The following PAK2 variants were observed in gnomAD, a reference collection of about 807,000 sequenced individuals.
The protein encoded by PAK2 is serine/threonine-protein kinase PAK 2.
A neutral mutation model predicts 65.9 loss-of-function variants in PAK2; 21 were observed. That is an observed-to-expected ratio of 0.32 (90% CI 0.23 to 0.46). The LOEUF (loss-of-function observed/expected upper bound fraction) is 0.46. Among genes scored for constraint, PAK2 ranks in the 20% least tolerant of loss-of-function variants. PAK2 has a pLI of 1.00. For synonymous variants in PAK2, 204 were observed against 219.7 expected (o/e 0.93, Z 0.63); for missense variants, 324 against 642.6 (o/e 0.50, Z 5.36).
At chr3:196,811,257 C>CTCCCTTCCT (rs1560113705) in intron 8 of PAK2, among the ~76,000 whole-genome samples, 12 of 56,444 alleles carry the variant, frequency 2.1e-4, no homozygotes, top group South Asian at 6.7e-4. Flanking sequence ...CCTCCCCTCC[C>CTCCCTTCCT]TCCCTTCCTT....
chr3:196,795,691 C>T (rs1381694700), intron 2 of PAK2, among the ~76,000 whole-genome samples: 1 of 152,060 alleles, frequency 6.6e-6, no homozygotes, highest in Non-Finnish European at 1.5e-5. Context: ...AAGTGTCTTT[C>T]CAAAACAAAG....
At chr3:196,812,574 A>G (rs1715863712) in intron 9 of PAK2, among the ~76,000 whole-genome samples, 165 bp from the exon 10 acceptor site, 1 of 152,176 alleles carries the variant, frequency 6.6e-6, no homozygotes, top group African/African-American at 2.4e-5. Context: ...GGTTCTAAAC[A>G]TTACAAAGCA....
At chr3:196,749,097 A>C (rs1713484903) in intron 1 of PAK2, among the ~76,000 whole-genome samples, 1 of 151,570 alleles carries the variant, frequency 6.6e-6, no homozygotes, top group Admixed American at 6.6e-5. Flanking sequence ...TTTTTGGGTG[A>C]ATAGTATTCC....
chr3:196,801,149 G>A (rs1273771427), intron 2 of PAK2, among the ~76,000 whole-genome samples: 1 of 152,142 alleles, frequency 6.6e-6, no homozygotes, highest in African/African-American at 2.4e-5. Flanking sequence ...AAGGAGAGGT[G>A]GTTTTGTCAA....
chr3:196,777,666 C>G (rs572668814), intron 1 of PAK2, among the ~76,000 whole-genome samples: 56 of 152,226 alleles, frequency 3.7e-4, no homozygotes, highest in African/African-American at 1.3e-3. Flanking sequence ...TTTAATATGC[C>G]TGTGTTGAGA....
rs1467669376 is a variant in PAK2, at chr3:196,831,448, T to C, written c.*3043T>C. 6.6e-6 allele frequency: 1 copy of C among 152,132 alleles called. No individual in the cohort carries two copies. The highest frequency in any genetic ancestry group is 1.9e-4 in the East Asian group (1 of 5,202). 9.4% of individuals were successfully genotyped at this position (152,132 alleles called of 1,614,324 possible). ...ATCCTACCTGAAAGTAAACGAGTAA[T>C]TGTGAAGCATAAGACACTGAGGCTA... On this transcript the variant is annotated 3_prime_UTR_variant, in exon 15 of 15. Transcript: ENST00000327134.
chr3:196,804,667 A>T (rs1715525336), intron 4 of PAK2, among the ~76,000 whole-genome samples: 1 of 151,998 alleles, frequency 6.6e-6, no homozygotes, highest in Non-Finnish European at 1.5e-5. Flanking sequence ...GGGTTTCTCC[A>T]TGTTGGTCAG....
At chr3:196,773,696 T>C (rs1714447217) in intron 1 of PAK2, among the ~76,000 whole-genome samples, 1 of 151,836 alleles carries the variant, frequency 6.6e-6, no homozygotes, top group Admixed American at 6.6e-5. Flanking sequence ...ACCAATATAG[T>C]GAAACCCCAT....
rs770205893 is a variant in PAK2, at chr3:196,801,920, C to T, written c.188-7C>T. On this transcript the variant is annotated splice_region_variant and splice_polypyrimidine_tract_variant and intron_variant, in intron 2 of 14. Transcript: ENST00000327134. ...GATTCTTTCTCTTTTTTTCTAATGC[C>T]CCCTAGGAAGTAAAAAGAAAGAAAA... The T allele has an allele frequency of 1.1e-5, 16 of 1,432,816 alleles. No individual in the cohort carries two copies. Among genetic ancestry groups the T allele is most frequent in the Non-Finnish European group, 1.5e-5 (15 of 1,016,436 alleles). The allele number at this position is 1,432,816 out of a possible 1,614,324, so 88.8% of individuals were successfully genotyped here. A position where few individuals can be genotyped will look rare whatever the true frequency, so the allele number is the denominator to read the frequency against.
At chr3:196,805,819 C>T (rs541636642) in intron 5 of PAK2, among the ~76,000 whole-genome samples, 1 of 151,988 alleles carries the variant, frequency 6.6e-6, no homozygotes, top group Non-Finnish European at 1.5e-5. Flanking sequence ...TTTTTGGAAA[C>T]AGTCGTTTTA....
At chr3:196,794,863 C>T (rs1188049819) in intron 2 of PAK2, among the ~76,000 whole-genome samples, 2 of 152,170 alleles carry the variant, frequency 1.3e-5, no homozygotes, top group Non-Finnish European at 2.9e-5. Flanking sequence ...ATGGGCTGCA[C>T]TCTGCTAGAA....
intron 2 of PAK2, among the ~76,000 whole-genome samples, chr3:196,801,479 T>C (rs1010751526): frequency 6.6e-6 from 1 of 152,198 alleles, no homozygotes; most frequent in African/African-American, 2.4e-5. Context: ...GGAAATCTTT[T>C]CTAGAATAAC....
At chr3:196,778,720 G>A (rs1229283773) in intron 1 of PAK2, among the ~76,000 whole-genome samples, 4 of 152,168 alleles carry the variant, frequency 2.6e-5, no homozygotes, top group Admixed American at 6.5e-5. Flanking sequence ...AGGGTGTCAC[G>A]TTGCGTTTAT....
chr3:196,776,897 A>G (rs915075939), intron 1 of PAK2, among the ~76,000 whole-genome samples: 1 of 152,206 alleles, frequency 6.6e-6, no homozygotes, highest in Non-Finnish European at 1.5e-5. Context: ...GAAAATCCAC[A>G]ATTATGTGAA....
chr3:196,751,702 G>T (rs1713605264), intron 1 of PAK2, among the ~76,000 whole-genome samples: 3 of 55,508 alleles, frequency 5.4e-5, no homozygotes, highest in African/African-American at 2.3e-4. Flanking sequence ...TATAATTCAG[G>T]CTATATATAA....
At chr3:196,808,032 T>A (rs76207769) in intron 7 of PAK2, 118 bp downstream of exon 7, 39,146 of 944,914 alleles carry the variant, frequency 0.041, 926 homozygotes, top group African/African-American at 0.072. Context: ...AATAAATTGT[T>A]TCCTTATAGC....
intron 3 of PAK2, among the ~76,000 whole-genome samples, chr3:196,802,325 T>C (rs1326729445): frequency 2.6e-5 from 4 of 151,684 alleles, no homozygotes; most frequent in African/African-American, 9.7e-5. Context: ...CATTTGAACC[T>C]CGGAGATGGA....
intron 4 of PAK2, among the ~76,000 whole-genome samples, chr3:196,804,806 G>GTGAT (rs1389444545): frequency 2.7e-4 from 38 of 142,554 alleles, no homozygotes; most frequent in African/African-American, 8.6e-4. Flanking sequence ...GTGTGTGTGT[G>GTGAT]ATATATATAT....
chr3:196,773,321 T>C (rs1714419820), intron 1 of PAK2, among the ~76,000 whole-genome samples: 1 of 152,174 alleles, frequency 6.6e-6, no homozygotes, highest in Non-Finnish European at 1.5e-5. Context: ...AAATCAGTAT[T>C]TTACCATGAA....
Sources: allele counts gnomAD v4.1 joint callset (sites outside exome capture counted in the v4.1 genomes callset), GRCh38; gene constraint gnomAD v4.1.1; transcripts MANE v1.5; gene names NCBI Gene and HGNC (gene_info 2026-07-23, HGNC 2026-07-21).